RIMBP2: variants seen among roughly 807,000 people sequenced by gnomAD.
RIMBP2 encodes the protein RIMS-binding protein 2.
In RIMBP2, 48 loss-of-function variants were observed where a neutral mutation model predicts 118.6. That is an observed-to-expected ratio of 0.40 (90% CI 0.32 to 0.51). The LOEUF is 0.51. Among genes scored for constraint, RIMBP2 ranks in the 20% least tolerant of loss-of-function variants. The pLI is 0.41. For synonymous variants in RIMBP2, 762 were observed against 742.9 expected, an observed-to-expected ratio of 1.03 and a Z score of -0.42; for missense variants, 1,551 against 1,768.3, an observed-to-expected ratio of 0.88 and a Z score of 2.20.
chr12:130,551,892 T>G (rs1164006920), intron 2 of RIMBP2, among the ~76,000 whole-genome samples: 4 of 152,230 alleles, frequency 2.6e-5, no homozygotes, highest in African/African-American at 9.6e-5. Context: ...CATGTAGTCT[T>G]GCAGTTTCAC....
At position 130,593,153 on chromosome 12, in the gene RIMBP2, C is replaced by G. The variant is rs145426415; in HGVS notation, c.-217+35169G>C. ...TTCTCCACCAGCCCATTCTCACCCA[C>G]TCCTCATGGCCTGGCCCCGGTGTGG... is the stretch of plus-strand genomic sequence containing the variant. On this transcript the variant is annotated intron_variant, in intron 2 of 22. Coordinates refer to ENST00000690449, the MANE Select transcript of RIMBP2 (RefSeq NM_001393629.1). 4.5e-3 allele frequency among the ~76,000 whole-genome samples: 682 copies of G among 152,380 alleles called. 5 individuals carry two copies. The highest frequency in any genetic ancestry group is 0.016 in the African/African-American group (655 of 41,596).
chr12:130,458,620 G>A (rs1176753925), intron 6 of RIMBP2, among the ~76,000 whole-genome samples: 2 of 152,196 alleles, frequency 1.3e-5, no homozygotes, highest in African/African-American at 4.8e-5. Flanking sequence ...GGCACCCATG[G>A]GGCACTCGCG....
intron 1 of RIMBP2, among the ~76,000 whole-genome samples, chr12:130,684,084 G>C (rs1018490176): frequency 1.3e-5 from 2 of 152,114 alleles, no homozygotes; most frequent in Non-Finnish European, 2.9e-5. Context: ...CTGCTGTCTG[G>C]AGGCTGCATC....
intron 3 of RIMBP2, among the ~76,000 whole-genome samples, chr12:130,514,434 G>A (rs2051229418): frequency 6.6e-6 from 1 of 152,244 alleles, no homozygotes; most frequent in Non-Finnish European, 1.5e-5. Context: ...CTGTTGTGAG[G>A]GCTGAGCGCT....
intron 2 of RIMBP2, among the ~76,000 whole-genome samples, chr12:130,535,767 A>ATATATATATATG (rs2054011935): frequency 1.6e-5 from 1 of 63,176 alleles, no homozygotes; most frequent in Non-Finnish European, 3.5e-5. Context: ...ATATATATAT[A>ATATATATATATG]TATATATATA....
intron 7 of RIMBP2, among the ~76,000 whole-genome samples, chr12:130,452,764 TGCA>T (rs2079107064): frequency 6.6e-6 from 1 of 152,212 alleles, no homozygotes; most frequent in Non-Finnish European, 1.5e-5. Context: ...CGCGTGTGAC[TGCA>T]GCAGAACTTG....
At chr12:130,491,881 C>T (rs2048677343) in intron 4 of RIMBP2, among the ~76,000 whole-genome samples, 4 of 152,192 alleles carry the variant, frequency 2.6e-5, no homozygotes, top group Admixed American at 2.6e-4. Context: ...ATATTTATAG[C>T]TGACTGTCGA....
intron 2 of RIMBP2, among the ~76,000 whole-genome samples, chr12:130,624,137 C>T (rs1270431390): frequency 1.3e-5 from 2 of 152,136 alleles, no homozygotes; most frequent in African/African-American, 4.8e-5. Context: ...TGCCAATGTA[C>T]TCATAGGAAA....
At chr12:130,564,331 G>GTGTT (rs1555292836) in intron 2 of RIMBP2, among the ~76,000 whole-genome samples, 6 of 151,800 alleles carry the variant, frequency 4.0e-5, no homozygotes, top group East Asian at 3.9e-4. Context: ...TCAGCACTGT[G>GTGTT]TTTTTTTCCC....
chr12:130,589,794 C>G (rs1453133377), intron 2 of RIMBP2, among the ~76,000 whole-genome samples: 1 of 152,138 alleles, frequency 6.6e-6, no homozygotes, highest in Non-Finnish European at 1.5e-5. Context: ...TCCTCCTGAA[C>G]CCACCCTGAT....
At chr12:130,441,338 T>C (rs2078104246) in intron 11 of RIMBP2, among the ~76,000 whole-genome samples, 1 of 150,972 alleles carries the variant, frequency 6.6e-6, no homozygotes, top group Non-Finnish European at 1.5e-5. Flanking sequence ...GAGGCAGAGG[T>C]TGCAGTGAGC....
In RIMBP2 at chr12:130,475,353, C is replaced by CA. The variant is rs2081342163; in HGVS notation, c.102+3558_102+3559insT. On this transcript the variant is annotated intron_variant, in intron 5 of 22. Coordinates refer to ENST00000690449, the MANE Select transcript of RIMBP2 (RefSeq NM_001393629.1). This position sits in a 1 kb window ranked among gnomAD's most constrained non-coding sequence, Gnocchi z 4.1. ...CCCCTGATATTAGACGCCTGAATGTCCAGCACCCTCTCAAGGGTGGTCAGG... is the reference window on the plus strand; with the variant it reads ...CCCCTGATATTAGACGCCTGAATGTCACAGCACCCTCTCAAGGGTGGTCAGG... Among the ~76,000 whole-genome samples the CA allele has an allele frequency of 6.6e-6, 1 of 152,178 alleles. No homozygotes were observed. Among genetic ancestry groups the CA allele is most frequent in the Non-Finnish European group, 1.5e-5 (1 of 68,050 alleles).
intron 2 of RIMBP2, among the ~76,000 whole-genome samples, chr12:130,549,269 C>T (rs2055493818): frequency 6.6e-6 from 1 of 152,152 alleles, no homozygotes. Context: ...CATCTGATGC[C>T]CATCCCGGGG....
Position 130,646,129 on chromosome 12 carries a change from C to CA in RIMBP2, c.-351-17674_-351-17673insT, listed in dbSNP as rs71433371. Among the ~76,000 whole-genome samples the CA allele has an allele frequency of 2.5e-4, 27 of 109,858 alleles. 2 individuals are homozygous for CA. The highest frequency in any genetic ancestry group is 4.3e-4 in the Non-Finnish European group (21 of 48,552). The allele number at this position is 109,858 out of a possible 152,430, so 72.1% of individuals were successfully genotyped here. On this transcript the variant is annotated intron_variant, in intron 1 of 22. Coordinates refer to ENST00000690449, the MANE Select transcript of RIMBP2 (RefSeq NM_001393629.1). The stretch of plus-strand genomic sequence containing the variant: ...TCTCCACCTCCCTCACCACCTGCCT[C>CA]TCCACCTCCCTCACCACCTGCCTCT...
rs555254778 is a variant in RIMBP2 at position 130,628,189 on chromosome 12, C to T, written c.-217+133G>A. 7.9e-5 allele frequency: 12 copies of T among 152,330 alleles called. No individual in the cohort carries two copies. In the East Asian group the frequency reaches 2.3e-3, roughly 29 times the overall value. The allele number at this position is 152,330 out of a possible 1,614,324, so 9.4% of individuals were successfully genotyped here. On this transcript the variant is annotated intron_variant, in intron 2 of 22. Coordinates refer to ENST00000690449, the MANE Select transcript of RIMBP2 (RefSeq NM_001393629.1). ...CATCTGCTCTGTTTACTACTTAGTC[C>T]TCTTAATTAGGGGACATACAGTTGG...
At chr12:130,639,407 C>A in intron 1 of RIMBP2, among the ~76,000 whole-genome samples, 1 of 133,224 alleles carries the variant, frequency 7.5e-6, no homozygotes. Flanking sequence ...ATCTATTGGC[C>A]AGGTGCAGTG....
intron 1 of RIMBP2, among the ~76,000 whole-genome samples, chr12:130,629,241 G>T (rs531700286): frequency 6.6e-6 from 1 of 152,326 alleles, no homozygotes; most frequent in East Asian, 1.9e-4. Flanking sequence ...AAGCAAGTGA[G>T]GCTTTATCCT....
intron 1 of RIMBP2, among the ~76,000 whole-genome samples, chr12:130,697,206 A>G (rs1312607956): frequency 6.6e-6 from 1 of 152,228 alleles, no homozygotes; most frequent in East Asian, 1.9e-4. Context: ...CCACAGAAAT[A>G]ATAGAGAATT....
intron 2 of RIMBP2, among the ~76,000 whole-genome samples, chr12:130,524,137 G>A (rs2052492501): frequency 6.6e-6 from 1 of 152,190 alleles, no homozygotes; most frequent in South Asian, 2.1e-4. Context: ...CTCCTGAGTA[G>A]GGCAGGATTT....
Sources: allele counts gnomAD v4.1 joint callset (sites outside exome capture counted in the v4.1 genomes callset), GRCh38; gene constraint gnomAD v4.1.1; non-coding constraint Gnocchi (gnomAD v3.1); transcripts MANE v1.5; gene names NCBI Gene and HGNC (gene_info 2026-07-23, HGNC 2026-07-21).